The following SOX5 variants were observed in gnomAD, a reference collection of about 807,000 sequenced individuals.
SOX5 encodes the protein transcription factor SOX-5.
In SOX5, 9 loss-of-function variants were observed where a neutral mutation model predicts 92.0. The ratio of observed to expected loss-of-function variants is 0.10; its 90% confidence interval spans 0.06 to 0.17. The LOEUF (loss-of-function observed/expected upper bound fraction) is 0.17. SOX5 is among the 10% of genes least tolerant of loss of function. The pLI is 1.00. For missense variants in SOX5, 642 were observed against 944.5 expected, an observed-to-expected ratio of 0.68 and a Z score of 4.20; for synonymous variants, 344 against 336.3, an observed-to-expected ratio of 1.02 and a Z score of -0.25.
intron 1 of SOX5, among the ~76,000 whole-genome samples, chr12:23,909,890 T>C (rs954134843): frequency 1.3e-5 from 2 of 152,048 alleles, no homozygotes; most frequent in Admixed American, 1.3e-4. Flanking sequence ...TGAAAGACCT[T>C]TGTGTTCCAA....
chr12:24,005,626 C>A (rs929219010), intron 4 of SOX5, among the ~76,000 whole-genome samples: 1 of 152,108 alleles, frequency 6.6e-6, no homozygotes, highest in Non-Finnish European at 1.5e-5. Flanking sequence ...GTCTCGTCCC[C>A]TTTAGTTTAT....
chr12:23,936,549 C>G (rs981962178), intron 1 of SOX5, among the ~76,000 whole-genome samples: 3 of 150,346 alleles, frequency 2.0e-5, no homozygotes, highest in Non-Finnish European at 4.5e-5. Context: ...TTAATAAACC[C>G]CTAAGTCTTT....
At chr12:24,318,881 C>T (rs953334) in intron 2 of SOX5, among the ~76,000 whole-genome samples, 20,820 of 152,098 alleles carry the variant, frequency 0.14, 1,895 homozygotes, top group East Asian at 0.52. Flanking sequence ...TCATCTAATC[C>T]AATTCCTTCA....
intron 10 of SOX5, among the ~76,000 whole-genome samples, chr12:23,568,891 CA>C (rs11398102): frequency 0.21 from 30,635 of 145,372 alleles, 3,807 homozygotes; most frequent in Non-Finnish European, 0.28. Context: ...AAGAATATCT[CA>C]AAAAAAAAAA....
chr12:24,278,256 G>A (rs1046408829), intron 2 of SOX5, among the ~76,000 whole-genome samples: 19 of 152,072 alleles, frequency 1.2e-4, no homozygotes, highest in South Asian at 2.1e-4. Context: ...AGCATGCCTC[G>A]TATAGAAGCA....
At chr12:24,154,246 T>C (rs1312950691) in intron 4 of SOX5, among the ~76,000 whole-genome samples, 11 of 152,160 alleles carry the variant, frequency 7.2e-5, no homozygotes, top group Non-Finnish European at 1.5e-4. Context: ...AAACATCTGT[T>C]ATTGAGTGCT....
intron 3 of SOX5, among the ~76,000 whole-genome samples, chr12:24,229,956 T>C (rs1317253755): frequency 6.6e-6 from 1 of 152,184 alleles, no homozygotes; most frequent in Non-Finnish European, 1.5e-5. Flanking sequence ...GACAAAACAG[T>C]TCCCCTATCT....
intron 4 of SOX5, among the ~76,000 whole-genome samples, chr12:23,957,467 G>T (rs2139961033): frequency 6.6e-6 from 1 of 152,324 alleles, no homozygotes; most frequent in African/African-American, 2.4e-5. Context: ...TCACGTGTGT[G>T]ATGGAACTGT....
At chr12:24,194,420 GGT>G (rs1956816310) in intron 4 of SOX5, among the ~76,000 whole-genome samples, 1 of 104,956 alleles carries the variant, frequency 9.5e-6, no homozygotes, top group African/African-American at 5.0e-5. Context: ...TAGGTAGGTA[GGT>G]AGGTAGGTAT....
intron 2 of SOX5, among the ~76,000 whole-genome samples, chr12:23,859,525 A>C (rs1184324725): frequency 6.6e-6 from 1 of 152,192 alleles, no homozygotes; most frequent in African/African-American, 2.4e-5. Flanking sequence ...ACGTGTGCCC[A>C]GCGGGACATG....
At chr12:23,949,467 A>C in intron 1 of SOX5, 97 bp downstream of exon 1, 1 of 1,469,476 alleles carries the variant, frequency 6.8e-7, no homozygotes, top group South Asian at 1.1e-5. Flanking sequence ...CTTCTCTAAC[A>C]AACACGTTTT....
At chr12:23,579,668 G>A (rs1023308303) in intron 9 of SOX5, among the ~76,000 whole-genome samples, 2 of 151,942 alleles carry the variant, frequency 1.3e-5, no homozygotes. Context: ...AAAAGCTGAA[G>A]GTAAGACTTC....
chr12:24,176,737 A>G (rs12307012), intron 4 of SOX5, among the ~76,000 whole-genome samples: 7,900 of 152,246 alleles, frequency 0.052, 218 homozygotes, highest in African/African-American at 0.074. Flanking sequence ...CACTAGGGGC[A>G]AAGATGTGGT....
intron 3 of SOX5, among the ~76,000 whole-genome samples, chr12:24,222,449 G>A (rs1240078522): frequency 6.6e-6 from 1 of 152,112 alleles, no homozygotes; most frequent in Non-Finnish European, 1.5e-5. Flanking sequence ...AGGAGTCAAG[G>A]ATGACTCCTA....
intron 6 of SOX5, among the ~76,000 whole-genome samples, chr12:23,666,420 G>A (rs2083815935): frequency 6.6e-6 from 1 of 152,076 alleles, no homozygotes; most frequent in South Asian, 2.1e-4. Context: ...AGCCGAAAAG[G>A]AATTTTTAGA....
chr12:24,031,925 A>C (rs77502106), intron 4 of SOX5, among the ~76,000 whole-genome samples: 6,845 of 152,000 alleles, frequency 0.045, 174 homozygotes, highest in Admixed American at 0.065. Context: ...TATCTTATGC[A>C]TAGGCATGAG....
chr12:23,790,992 C>A (rs903484543), intron 3 of SOX5, among the ~76,000 whole-genome samples: 3 of 152,174 alleles, frequency 2.0e-5, no homozygotes, highest in Non-Finnish European at 4.4e-5. Flanking sequence ...TTCCATTCTT[C>A]CAATGTCCCT....
intron 4 of SOX5, among the ~76,000 whole-genome samples, chr12:23,973,473 T>G (rs1948581980): frequency 6.6e-6 from 1 of 152,106 alleles, no homozygotes; most frequent in South Asian, 2.1e-4. Flanking sequence ...TTTCCATCTT[T>G]TTAAAGGCTG....
At chr12:24,216,357 G>A (rs1191310840) in intron 3 of SOX5, among the ~76,000 whole-genome samples, 3 of 152,096 alleles carry the variant, frequency 2.0e-5, no homozygotes, top group Non-Finnish European at 4.4e-5. Flanking sequence ...GGTGGCGGGC[G>A]GCTGTAGTCC....
Sources: gnomAD v4.1 joint callset for allele counts (sites outside exome capture counted in the v4.1 genomes callset) on GRCh38, gnomAD v4.1.1 for gene constraint, MANE v1.5 for transcripts, NCBI Gene and HGNC (gene_info 2026-07-23, HGNC 2026-07-21) for gene names.